CCDC125: variants seen among roughly 807,000 people sequenced by gnomAD.
CCDC125 encodes coiled-coil domain-containing protein 125.
In CCDC125, 43 loss-of-function variants were observed where a neutral mutation model predicts 57.4. The observed-to-expected ratio is 0.75, with a 90% CI of 0.59 to 0.97. The LOEUF is 0.97. Ranked by LOEUF, CCDC125 falls within the 50% of genes least tolerant of loss-of-function variation. CCDC125 has a pLI of 0.00. For missense variants in CCDC125, 563 were observed against 595.7 expected, an observed-to-expected ratio of 0.95 and a Z score of 0.57; for synonymous variants, 187 against 195.2, an observed-to-expected ratio of 0.96 and a Z score of 0.35.
At chr5:69,285,792 G>A (rs1753242749) in intron 10 of CCDC125, among the ~76,000 whole-genome samples, 1 of 152,166 alleles carries the variant, frequency 6.6e-6, no homozygotes. Context: ...CTAAATGTCA[G>A]CCACTAGTCT....
At chr5:69,284,047 C>G (rs757138850) in intron 11 of CCDC125, among the ~76,000 whole-genome samples, 1 of 151,850 alleles carries the variant, frequency 6.6e-6, no homozygotes, top group Non-Finnish European at 1.5e-5. Flanking sequence ...CCTCGGCTTC[C>G]CAAAGTGCTG....
At chr5:69,283,098 AG>A in intron 11 of CCDC125, 64 bp from the exon 12 acceptor site, 1 of 1,293,260 alleles carries the variant, frequency 7.7e-7, no homozygotes, top group Non-Finnish European at 1.1e-6. Context: ...ATTCAGAGAA[AG>A]GAGTATTGTA....
Position 69,285,435 on chromosome 5 carries a change from C to T in CCDC125, c.1132G>A (p.Gly378Arg), listed in dbSNP as rs528487517. Residue 378 changes from glycine (G) to arginine (R), a missense_variant, in exon 11 of 12, where the codon GGG becomes AGG. Coordinates refer to ENST00000396496, the MANE Select transcript of CCDC125 (RefSeq NM_176816.5). ...GGGAGCATACCCAACAGTCTCTGCC[C>T]GAAGGTCTTCTTACTCCTTGGTGAT... is the stretch of plus-strand genomic sequence containing the variant. The part of the protein sequence containing the change: ...FPSPRSKKTF[G>R]QRLLGMLPSE... The T allele has an allele frequency of 1.7e-5, 27 of 1,606,622 alleles. No homozygotes were observed. Among genetic ancestry groups the T allele is most frequent in the South Asian group, 4.4e-5 (4 of 89,914 alleles).
At chr5:69,274,820 T>TA in the CCDC125 span, among the ~76,000 whole-genome samples, 1 of 152,142 alleles carries the variant, frequency 6.6e-6, no homozygotes, top group Non-Finnish European at 1.5e-5. Flanking sequence ...TTCACCATGT[T>TA]ATCGAGGCTG....
chr5:69,320,250 T>C lies in CCDC125; in HGVS notation c.291A>G (p.Arg97=). ...PQVSRISNYR[R]QSSTVDSNSE... Reference sequence around the variant, plus strand: ...CAGCATTCTTACCAGTGCTACTTTGTCGTCTGTAATTGGAAATTCTGGACA... The same window carrying C: ...CAGCATTCTTACCAGTGCTACTTTGCCGTCTGTAATTGGAAATTCTGGACA... Residue 97 remains arginine (R), a synonymous_variant, in exon 2 of 12, where the codon CGA becomes CGG. Transcript: ENST00000396496. 1 of 1,613,450 alleles carries C rather than the reference T, an allele frequency of 6.2e-7. No homozygotes were observed. The highest frequency in any genetic ancestry group is 8.5e-7 in the Non-Finnish European group (1 of 1,179,674).
intron 1 of CCDC125, among the ~76,000 whole-genome samples, chr5:69,330,848 T>C (rs571340034): frequency 3.3e-5 from 5 of 152,252 alleles, no homozygotes; most frequent in Admixed American, 1.3e-4. Flanking sequence ...AAGGCTAGCC[T>C]GATAATTTCC....
At chr5:69,288,149 TA>T (rs1472508369) in intron 10 of CCDC125, among the ~76,000 whole-genome samples, 5 of 152,172 alleles carry the variant, frequency 3.3e-5, no homozygotes, top group African/African-American at 4.8e-5. Context: ...CTTAAGACTG[TA>T]ATTTCCTCAG....
intron 8 of CCDC125, among the ~76,000 whole-genome samples, chr5:69,297,232 G>T (rs1374685443): frequency 5.9e-5 from 9 of 151,862 alleles, no homozygotes; most frequent in Non-Finnish European, 1.2e-4. Flanking sequence ...GTAGAGATGG[G>T]GTTTCACCAT....
Position 69,318,322 on chromosome 5 carries a change from C to A in CCDC125, c.304+1915G>T, listed in dbSNP as rs369161145. 3.2e-4 allele frequency among the ~76,000 whole-genome samples: 49 copies of A among 152,042 alleles called. 1 individual carries two copies. Among genetic ancestry groups the A allele is most frequent in the African/African-American group, 1.1e-3 (45 of 41,512 alleles). Reference sequence around the variant, plus strand: ...ATTAGCCGGATATGGTGGAACATGCCTGTAGTCTCAGCTACTCAGGAGACT... The same window carrying A: ...ATTAGCCGGATATGGTGGAACATGCATGTAGTCTCAGCTACTCAGGAGACT... On this transcript the variant is annotated intron_variant, in intron 2 of 11. Transcript: ENST00000396496.
At chr5:69,288,417 A>G (rs1227730311) in intron 10 of CCDC125, among the ~76,000 whole-genome samples, 1 of 152,138 alleles carries the variant, frequency 6.6e-6, no homozygotes, top group African/African-American at 2.4e-5. Context: ...CCAGTGATGT[A>G]CCGTGTCCAT....
intron 7 of CCDC125, 82 bp from the exon 8 acceptor site, chr5:69,300,209 T>C (rs1756159518): frequency 3.0e-6 from 3 of 991,130 alleles, no homozygotes; most frequent in African/African-American, 1.6e-5. Flanking sequence ...ACATGACATA[T>C]TCATTTCGTA....
rs1044180444 is a variant in CCDC125 at position 69,300,026 on chromosome 5, C to A, written c.802G>T (p.Ala268Ser). 5 of 1,613,808 alleles carry A rather than the reference C, an allele frequency of 3.1e-6. No individual in the cohort carries two copies. The highest frequency in any genetic ancestry group is 3.4e-6 in the Non-Finnish European group (4 of 1,179,678). Residue 268 changes from alanine to serine, a missense_variant, in exon 8 of 12, where the codon GCT (alanine) becomes TCT (serine). Ala to Ser is a moderately conservative substitution (Grantham distance 99). Coordinates refer to ENST00000396496, the MANE Select transcript of CCDC125 (RefSeq NM_176816.5). ...TGCTTACCTACCTCAAGACCTGAAG[C>A]CTCTGCAAAGCCACTTTTATCACAG... ...MCCDKSGFAE[A>S]SGLELAVLGA...
chr5:69,295,410 T>C (rs1256765586), intron 8 of CCDC125, among the ~76,000 whole-genome samples: 1 of 152,128 alleles, frequency 6.6e-6, no homozygotes, highest in Non-Finnish European at 1.5e-5. Flanking sequence ...AAAAATACGA[T>C]TGATTCCTGT....
At position 69,320,399 on chromosome 5, in the gene CCDC125, A is replaced by C; in HGVS notation, c.142T>G (p.Ser48Ala). 6.2e-7 allele frequency: 1 copy of C among 1,613,958 alleles called. No individual in the cohort carries two copies. Among genetic ancestry groups the C allele is most frequent in the Non-Finnish European group, 8.5e-7 (1 of 1,179,982 alleles). ...GIYEIEFSHR[S>A]RKRSDGKNFS... ...TTCTTTCCATCTGATCTTTTTCTAG[A>C]CCTATGTGAAAATTCTATTTCATAA... The change falls in exon 2 of 12, where the codon TCT becomes GCT. Residue 48 changes from serine to alanine, a missense_variant. Ser to Ala is a moderately conservative substitution (Grantham distance 99). Coordinates refer to ENST00000396496, the MANE Select transcript of CCDC125 (RefSeq NM_176816.5).
At chr5:69,324,834 G>A (rs1356852917) in intron 1 of CCDC125, among the ~76,000 whole-genome samples, 4 of 152,084 alleles carry the variant, frequency 2.6e-5, no homozygotes, top group South Asian at 2.1e-4. Context: ...GCAACATAGC[G>A]AGATCCCCAT....
intron 3 of CCDC125, among the ~76,000 whole-genome samples, chr5:69,312,043 C>T (rs1035041851): frequency 6.6e-6 from 1 of 152,160 alleles, no homozygotes; most frequent in African/African-American, 2.4e-5. Flanking sequence ...CCTCAGTTGG[C>T]TTTCATGTTG....
chr5:69,291,902 T>G (rs1385489176), intron 10 of CCDC125, among the ~76,000 whole-genome samples: 1 of 152,222 alleles, frequency 6.6e-6, no homozygotes, highest in Non-Finnish European at 1.5e-5. Flanking sequence ...ACTTTTATTG[T>G]AAAGTTTTTT....
intron 1 of CCDC125, among the ~76,000 whole-genome samples, chr5:69,331,296 G>A (rs1352934487): frequency 3.3e-5 from 5 of 151,850 alleles, no homozygotes; most frequent in African/African-American, 7.3e-5. Flanking sequence ...GCAATGGTGC[G>A]ATCTCGGCTC....
At chr5:69,311,879 A>G (rs188029152) in intron 3 of CCDC125, among the ~76,000 whole-genome samples, 53 of 152,072 alleles carry the variant, frequency 3.5e-4, no homozygotes, top group African/African-American at 1.3e-3. Flanking sequence ...GATTGCAGGC[A>G]TGTGCCACTA....
Sources: allele counts gnomAD v4.1 joint callset (sites outside exome capture counted in the v4.1 genomes callset), GRCh38; gene constraint gnomAD v4.1.1; transcripts MANE v1.5; gene names NCBI Gene and HGNC (gene_info 2026-07-23, HGNC 2026-07-21).